The following ERCC2 variants were observed in gnomAD, a reference collection of about 807,000 sequenced individuals.
ERCC2 encodes the protein general transcription and DNA repair factor IIH helicase subunit XPD.
ERCC2 carries 90 observed loss-of-function variants against 99.4 expected under a neutral mutation model. The ratio of observed to expected loss-of-function variants is 0.91; its 90% CI spans 0.76 to 1.08. The LOEUF (loss-of-function observed/expected upper bound fraction) is 1.08. Among genes scored for constraint, ERCC2 ranks in the 50% least tolerant of loss-of-function variants. ERCC2 has a pLI of 0.00. For missense variants in ERCC2, 993 were observed against 1,038.1 expected (o/e 0.96, Z 0.60); for synonymous variants, 497 against 432.4 (o/e 1.15, Z -1.85).
At chr19:45,362,007 A>C in intron 11 of ERCC2, 4 of 249,086 alleles carry the variant, frequency 1.6e-5, no homozygotes, top group South Asian at 4.4e-5. Context: ...TACCATCTCG[A>C]CTCCGCCTCC....
At chr19:45,354,681 T>A (rs772461869) in intron 17 of ERCC2, 49 bp downstream of exon 17, 1 of 1,610,642 alleles carries the variant, frequency 6.2e-7, no homozygotes. Flanking sequence ...AGCGGTGCAG[T>A]GCCAGGGACT....
chr19:45,368,608 A>G, intron 5 of ERCC2, 22 bp downstream of exon 5: 1 of 1,499,296 alleles, frequency 6.7e-7, no homozygotes, highest in East Asian at 2.3e-5. Flanking sequence ...GCTAAGGGCA[A>G]GGAGAAGGAA....
chr19:45,352,602 G>A lies in ERCC2; in HGVS notation c.1950C>T (p.Asp650=), dbSNP rs753437452. 1.2e-6 allele frequency: 2 copies of A among 1,614,050 alleles called. No individual in the cohort carries two copies. Among genetic ancestry groups the A allele is most frequent in the South Asian group, 2.2e-5 (2 of 91,080 alleles). ...LRDQFQIREN[D]FLTFDAMRHA... Reference sequence around the variant, plus strand: ...GGCGCATGGCATCGAAGGTAAGAAAGTCATTCTCACGAATCTGGAACTGGT... The same window carrying A: ...GGCGCATGGCATCGAAGGTAAGAAAATCATTCTCACGAATCTGGAACTGGT... Residue 650 remains aspartate, a synonymous_variant, in exon 21 of 23, where the codon GAC becomes GAT. Coordinates refer to ENST00000391945, the MANE Select transcript of ERCC2 (RefSeq NM_000400.4).
At position 45,350,161 on chromosome 19, in the gene ERCC2, C is replaced by G; in HGVS notation, c.*1468G>C. On this transcript the variant is annotated 3_prime_UTR_variant, in exon 23 of 23. Coordinates refer to ENST00000391945, the MANE Select transcript of ERCC2 (RefSeq NM_000400.4). ...GTGGGGCCAGACGTGGTGGTTCACG[C>G]TTGTAACCCCAACACTTTGGGAGGC... 1.7e-6 allele frequency: 1 copy of G among 604,222 alleles called. No individual in the cohort carries two copies. The highest frequency in any genetic ancestry group is 2.0e-5 in the South Asian group (1 of 49,644). 37.4% of individuals were successfully genotyped at this position (604,222 alleles called of 1,614,324 possible). A position where few individuals can be genotyped will look rare whatever the true frequency, so the allele number is the denominator to read the frequency against.
chr19:45,357,415 G>T (rs1403954676), intron 14 of ERCC2, 44 bp from the exon 15 acceptor site: 4 of 1,608,788 alleles, frequency 2.5e-6, no homozygotes, highest in Middle Eastern at 1.7e-4. Context: ...ACTGGGCAGG[G>T]ACCAGGAGGC....
chr19:45,352,569 G>C lies in ERCC2; in HGVS notation c.1983C>G (p.Ala661=). ...CCCTGATGGCCCGACCCACACACTG[G>C]GCCGCGTGGCGCATGGCATCGAAGG... ...FLTFDAMRHA[A]QCVGRAIRGK... Residue 661 remains alanine (A), a synonymous_variant, in exon 21 of 23, where the codon GCC becomes GCG. Coordinates refer to ENST00000391945, the MANE Select transcript of ERCC2 (RefSeq NM_000400.4). 1 of 1,614,086 alleles carries C rather than the reference G, an allele frequency of 6.2e-7. No homozygotes were observed. Among genetic ancestry groups the C allele is most frequent in the Non-Finnish European group, 8.5e-7 (1 of 1,180,040 alleles).
rs1182084610 is a variant in ERCC2 at position 45,351,659 on chromosome 19, C to A, written c.2253G>T (p.Lys751Asn). 4 of 1,613,978 alleles carry A rather than the reference C, an allele frequency of 2.5e-6. No homozygotes were observed. The highest frequency in any genetic ancestry group is 2.7e-5 in the African/African-American group (2 of 74,928). Residue 751 changes from lysine to asparagine, a missense_variant, in exon 23 of 23, where the codon AAG (lysine) becomes AAT (asparagine). Around this residue, in one of 3 missense-constraint regions of ERCC2, gnomAD observed 909 missense variants for 930.8 expected, o/e 0.98. Transcript: ENST00000391945. ...GCTGCTGAGCAATCTGCTCTATCCT[C>A]TTCAGCGTCTCCTCTGATTCTAGCT... ...LEQLESEETL[K>N]RIEQIAQQL
At position 45,351,305 on chromosome 19, in the gene ERCC2, A is replaced by G; in HGVS notation, c.*324T>C. ...CTCCAGTTTCCCAGCTGGCACCTGG[A>G]CAAGGCCCCTCGGACCCTCAGCGCC... On this transcript the variant is annotated 3_prime_UTR_variant, in exon 23 of 23. Coordinates refer to ENST00000391945, the MANE Select transcript of ERCC2 (RefSeq NM_000400.4). The G allele has an allele frequency of 6.2e-7, 1 of 1,612,666 alleles. No homozygotes were observed. Among genetic ancestry groups the G allele is most frequent in the Non-Finnish European group, 8.5e-7 (1 of 1,179,994 alleles).
rs556073223 is a variant in ERCC2, at chr19:45,349,921, C to T, written c.*1708G>A. ...CACATCGCTAGTTCTTATAGCGTCC[C>T]TATGAGGTGGGAGCTGTCGCTCCAC... is the stretch of plus-strand genomic sequence containing the variant. On this transcript the variant is annotated 3_prime_UTR_variant, in exon 23 of 23. Coordinates refer to ENST00000391945, the MANE Select transcript of ERCC2 (RefSeq NM_000400.4). 6.9e-5 allele frequency: 30 copies of T among 434,756 alleles called. No individual in the cohort carries two copies. Among genetic ancestry groups the T allele is most frequent in the African/African-American group, 4.8e-4 (24 of 50,348 alleles). 26.9% of individuals were successfully genotyped at this position (434,756 alleles called of 1,614,324 possible). A position where few individuals can be genotyped will look rare whatever the true frequency, so the allele number is the denominator to read the frequency against.
Position 45,350,442 on chromosome 19 carries a change from A to G in ERCC2, c.*1187T>C, listed in dbSNP as rs1599716516. The G allele has an allele frequency of 3.1e-6, 5 of 1,613,256 alleles. No individual in the cohort carries two copies. In the East Asian group the frequency reaches 8.9e-5, roughly 29 times the overall value. ...TACCCGCCCCTCTCGGTGAGCCCCT[A>G]GCCCCTGTCTGTCTTCCCTCCTGGT... is the stretch of plus-strand genomic sequence containing the variant. On this transcript the variant is annotated 3_prime_UTR_variant, in exon 23 of 23. Transcript: ENST00000391945.
intron 16 of ERCC2, 144 bp from the exon 17 acceptor site, chr19:45,354,995 T>TTTTTTTA: frequency 9.6e-7 from 1 of 1,043,176 alleles, no homozygotes; most frequent in South Asian, 1.3e-5. Context: ...CCCGGGCGTG[T>TTTTTTTA]CTGAGGACCC....
Position 45,351,604 on chromosome 19 carries a change from C to T in ERCC2, c.*25G>A, listed in dbSNP as rs200605760. 7 of 1,613,136 alleles carry T rather than the reference C, an allele frequency of 4.3e-6. No homozygotes were observed. In the East Asian group the frequency reaches 1.3e-4, roughly 31 times the overall value. On this transcript the variant is annotated 3_prime_UTR_variant, in exon 23 of 23. Transcript: ENST00000391945. ...GGCAAGACTCAGGAGTCACCAGGAACCGTTTATGGCCCCACCCGCCCCACT... is the reference window on the plus strand; with the variant it reads ...GGCAAGACTCAGGAGTCACCAGGAATCGTTTATGGCCCCACCCGCCCCACT...
chr19:45,350,718 CCGAGG>C lies in ERCC2; in HGVS notation c.*906_*910del, dbSNP rs1005962585. 17 of 1,613,158 alleles carry C rather than the reference CCGAGG, an allele frequency of 1.1e-5. No individual in the cohort carries two copies. In the African/African-American group the frequency reaches 1.1e-4, roughly 10 times the overall value. On this transcript the variant is annotated 3_prime_UTR_variant, in exon 23 of 23. Coordinates refer to ENST00000391945, the MANE Select transcript of ERCC2 (RefSeq NM_000400.4). Reference sequence around the variant, plus strand: ...GAAGTGAGAAGCTGGTCTCCCGGCTCCGAGGCGAGGCGGCGGCAGGAGCAGCCGGG... The same window carrying C: ...GAAGTGAGAAGCTGGTCTCCCGGCTCCGAGGCGGCGGCAGGAGCAGCCGGG...
intron 5 of ERCC2, among the ~76,000 whole-genome samples, chr19:45,366,152 T>TTATTTA (rs980778447): frequency 2.0e-5 from 3 of 149,050 alleles, no homozygotes; most frequent in African/African-American, 7.5e-5. Flanking sequence ...AACTAATATT[T>TTATTTA]TATTTTTTGA....
chr19:45,352,078 A>C (rs1165403233), intron 22 of ERCC2, 131 bp downstream of exon 22: 9 of 1,096,094 alleles, frequency 8.2e-6, no homozygotes, highest in South Asian at 2.7e-5. Flanking sequence ...ACGTAGATGC[A>C]CGATAAACTT....
chr19:45,359,793 TGAG>T (rs1972147155), intron 12 of ERCC2, among the ~76,000 whole-genome samples: 1 of 151,828 alleles, frequency 6.6e-6, no homozygotes, highest in African/African-American at 2.4e-5. Context: ...TTTTTTTTTT[TGAG>T]ACAGACTCTC....
chr19:45,354,922 G>A, intron 16 of ERCC2, 71 bp from the exon 17 acceptor site: 4 of 1,603,030 alleles, frequency 2.5e-6, no homozygotes, highest in Non-Finnish European at 3.4e-6. Flanking sequence ...AGAACTAGGA[G>A]TTTCTGGAAA....
Position 45,361,504 on chromosome 19 carries a change from A to T in ERCC2, c.1237+20T>A, listed in dbSNP as rs758988777. ...CCAGCTGCTAGGAGGCCCAGCAGGG[A>T]CAGAAAAAGGTGAGCTTACCTTTGG... On this transcript the variant is annotated intron_variant, in intron 12 of 22. Transcript: ENST00000391945. 4.5e-5 allele frequency: 71 copies of T among 1,567,640 alleles called. No homozygotes were observed. The Middle Eastern group carries it at 1.5e-3, about 33-fold the overall frequency.
At chr19:45,368,770 A>T in intron 4 of ERCC2, 27 bp from the exon 5 acceptor site, 1 of 1,584,216 alleles carries the variant, frequency 6.3e-7, no homozygotes. Context: ...GGGCAGGGGG[A>T]GCTTGTGCTC....
Sources: allele counts gnomAD v4.1 joint callset (sites outside exome capture counted in the v4.1 genomes callset), GRCh38; gene constraint gnomAD v4.1.1; regional missense constraint gnomAD v4.1.1; transcripts MANE v1.5; gene names NCBI Gene and HGNC (gene_info 2026-07-23, HGNC 2026-07-21).